DPYD: variants seen among roughly 807,000 people sequenced by gnomAD.
DPYD encodes dihydropyrimidine dehydrogenase.
Under a neutral mutation model 116.2 loss-of-function variants are expected in DPYD, and 109 were observed. The ratio of observed to expected loss-of-function variants is 0.94; its 90% CI spans 0.80 to 1.10. The LOEUF is 1.10. Among genes scored for constraint, DPYD ranks in the 50% least tolerant of loss-of-function variants. The pLI, the probability that DPYD is intolerant of heterozygous loss-of-function variation, is 0.00. For missense variants in DPYD, 1,302 were observed against 1,254.5 expected (o/e 1.04, Z -0.57); for synonymous variants, 440 against 432.0 (o/e 1.02, Z -0.23).
At chr1:97,912,541 A>T (rs1674001456) in intron 1 of DPYD, among the ~76,000 whole-genome samples, 1 of 152,240 alleles carries the variant, frequency 6.6e-6, no homozygotes, top group South Asian at 2.1e-4. Flanking sequence ...TACTACATCA[A>T]TATTACGTGG....
intron 20 of DPYD, among the ~76,000 whole-genome samples, chr1:97,152,405 T>C (rs765623869): frequency 2.0e-5 from 3 of 151,382 alleles, no homozygotes; most frequent in Non-Finnish European, 4.4e-5. Flanking sequence ...GTTTGAATGA[T>C]GCCTCCACTT....
At chr1:97,601,608 A>G (rs1229250095) in intron 8 of DPYD, among the ~76,000 whole-genome samples, 1 of 152,038 alleles carries the variant, frequency 6.6e-6, no homozygotes, top group Non-Finnish European at 1.5e-5. Flanking sequence ...AATGGATTAT[A>G]AAGTGTTTCA....
chr1:97,173,046 CAAT>C (rs1656851423), intron 20 of DPYD, among the ~76,000 whole-genome samples: 1 of 151,910 alleles, frequency 6.6e-6, no homozygotes, highest in South Asian at 2.1e-4. Context: ...GTTACGGGCA[CAAT>C]GTTTGTAATA....
intron 18 of DPYD, among the ~76,000 whole-genome samples, chr1:97,242,315 A>C (rs1416957630): frequency 6.6e-6 from 1 of 150,832 alleles, no homozygotes; most frequent in Non-Finnish European, 1.5e-5. Context: ...TCTATTAAAT[A>C]AATTATAGTT....
At chr1:97,373,523 A>G in intron 16 of DPYD, 38 bp downstream of exon 16, 1 of 1,584,992 alleles carries the variant, frequency 6.3e-7, no homozygotes, top group Non-Finnish European at 8.7e-7. Flanking sequence ...CTGTTATGTC[A>G]CACTGACATA....
intron 14 of DPYD, among the ~76,000 whole-genome samples, chr1:97,383,490 A>G (rs575763547): frequency 1.7e-4 from 25 of 149,584 alleles, no homozygotes; most frequent in Admixed American, 3.3e-4. Flanking sequence ...AAAAAAAAAG[A>G]AAAAAAGAAA....
At chr1:97,814,833 T>C (rs1571402708) in intron 3 of DPYD, among the ~76,000 whole-genome samples, 1 of 141,130 alleles carries the variant, frequency 7.1e-6, no homozygotes, top group Non-Finnish European at 1.5e-5. Flanking sequence ...GAATCTGGGA[T>C]GGGGAGGATG....
chr1:97,635,881 G>A (rs1425871978), intron 8 of DPYD, among the ~76,000 whole-genome samples: 3 of 152,096 alleles, frequency 2.0e-5, no homozygotes, highest in Admixed American at 2.0e-4. Flanking sequence ...ATGCAGTGGT[G>A]TGATCACGGC....
At chr1:97,900,910 C>A (rs1190201412) in intron 1 of DPYD, among the ~76,000 whole-genome samples, 1 of 151,842 alleles carries the variant, frequency 6.6e-6, no homozygotes, top group Non-Finnish European at 1.5e-5. Context: ...AATATTCTAA[C>A]TTGATTTCTG....
At chr1:97,808,643 T>C (rs897611703) in intron 3 of DPYD, among the ~76,000 whole-genome samples, 1 of 152,080 alleles carries the variant, frequency 6.6e-6, no homozygotes, top group Middle Eastern at 3.2e-3. Flanking sequence ...CATTAGCTAG[T>C]GCTGCCAGTA....
chr1:97,439,136 G>T (rs1675620177), intron 14 of DPYD, among the ~76,000 whole-genome samples: 1 of 151,722 alleles, frequency 6.6e-6, no homozygotes, highest in Admixed American at 6.6e-5. Context: ...GGTTTATTGA[G>T]ATAATATATT....
intron 2 of DPYD, among the ~76,000 whole-genome samples, chr1:97,832,429 G>C (rs1177945098): frequency 6.6e-6 from 1 of 152,136 alleles, no homozygotes; most frequent in African/African-American, 2.4e-5. Flanking sequence ...ATGGAAAATA[G>C]TTTACTAGCA....
At chr1:97,450,366 G>A in intron 13 of DPYD, 143 bp from the exon 14 acceptor site, 1 of 804,214 alleles carries the variant, frequency 1.2e-6, no homozygotes, top group Non-Finnish European at 1.9e-6. Flanking sequence ...CATTAAATTA[G>A]AATTGAACAT....
chr1:97,646,000 C>A (rs911981149), intron 8 of DPYD, among the ~76,000 whole-genome samples: 18 of 152,052 alleles, frequency 1.2e-4, no homozygotes, highest in Non-Finnish European at 5.9e-5. Context: ...TAAAGCCAGT[C>A]TAATATTTTC....
At chr1:97,557,281 G>A (rs968522149) in intron 11 of DPYD, among the ~76,000 whole-genome samples, 15 of 149,226 alleles carry the variant, frequency 1.0e-4, no homozygotes, top group South Asian at 4.2e-4. Context: ...AGTAGGTTGC[G>A]AAAATTTTCT....
chr1:97,832,411 T>C (rs1459600409), intron 2 of DPYD, among the ~76,000 whole-genome samples: 1 of 152,134 alleles, frequency 6.6e-6, no homozygotes, highest in East Asian at 1.9e-4. Flanking sequence ...ATTTAAATAC[T>C]GAGCTGGATG....
chr1:97,192,113 GT>G (rs201316076), intron 20 of DPYD, among the ~76,000 whole-genome samples: 2 of 151,578 alleles, frequency 1.3e-5, no homozygotes, highest in Admixed American at 6.6e-5. Flanking sequence ...TTGAAGAAGG[GT>G]TTTTTTTGGC....
chr1:97,522,227 C>A (rs575727538), intron 12 of DPYD, among the ~76,000 whole-genome samples: 12 of 152,116 alleles, frequency 7.9e-5, no homozygotes, highest in African/African-American at 2.2e-4. Context: ...AACAAACAAC[C>A]CCATCAAAAA....
chr1:97,264,619 C>A (rs539995889), intron 18 of DPYD, among the ~76,000 whole-genome samples: 1 of 152,200 alleles, frequency 6.6e-6, no homozygotes, highest in East Asian at 1.9e-4. Context: ...AACTTTTACA[C>A]AGTAATAAAT....
Sources: gnomAD v4.1 joint callset for allele counts (sites outside exome capture counted in the v4.1 genomes callset) on GRCh38, gnomAD v4.1.1 for gene constraint, MANE v1.5 for transcripts, NCBI Gene and HGNC (gene_info 2026-07-23, HGNC 2026-07-21) for gene names.